TET3: variants seen among roughly 807,000 people sequenced by gnomAD.
TET3 encodes tet methylcytosine dioxygenase 3.
A neutral mutation model predicts 141.4 loss-of-function variants in TET3; 19 were observed. That is an observed-to-expected ratio of 0.13 (90% CI 0.09 to 0.20). TET3 has a LOEUF of 0.20. Ranked by LOEUF, TET3 falls within the 10% of genes least tolerant of loss-of-function variation. The probability of loss-of-function intolerance (pLI) is 1.00; values close to 1 mark genes in which losing one functional copy is unlikely to be tolerated. For missense variants in TET3, 1,874 were observed against 2,356.9 expected (o/e 0.80, Z 4.24); for synonymous variants, 1,043 against 980.9 (o/e 1.06, Z -1.18).
rs533911031 is a variant in TET3 at position 74,061,494 on chromosome 2, G to C, written c.2495-12055G>C. Among the ~76,000 whole-genome samples the C allele has an allele frequency of 2.0e-5, 3 of 148,240 alleles. No individual in the cohort carries two copies. The East Asian group carries it at 6.3e-4, about 31-fold the overall frequency. On this transcript the variant is annotated intron_variant, in intron 4 of 11. Transcript: ENST00000409262. The stretch of plus-strand genomic sequence containing the variant: ...TGACCCCCCCACCTCCTTCCCGGAC[G>C]GGGCGGCTGGCTGGGCAGAGGGGCT...
At chr2:74,094,571 G>A (rs1036884196) in intron 10 of TET3, among the ~76,000 whole-genome samples, 9 of 152,190 alleles carry the variant, frequency 5.9e-5, no homozygotes, top group Non-Finnish European at 1.5e-5. Context: ...TGGGGGCAGA[G>A]TGAGGTGAAC....
downstream of TET3, among the ~76,000 whole-genome samples, chr2:74,108,688 G>A (rs375844278): frequency 5.3e-5 from 8 of 152,304 alleles, no homozygotes; most frequent in African/African-American, 1.9e-4. Context: ...TGCCAATTCT[G>A]GAGGTGGCTG....
At position 74,076,449 on chromosome 2, in the gene TET3, T is replaced by G. The variant is rs980704332; in HGVS notation, c.2585+2810T>G. Among the ~76,000 whole-genome samples the G allele has an allele frequency of 1.5e-3, 207 of 141,010 alleles. 1 individual carries two copies. The highest frequency in any genetic ancestry group is 2.7e-3 in the Non-Finnish European group (180 of 65,990). 92.5% of individuals were successfully genotyped at this position (141,010 alleles called of 152,430 possible). On this transcript the variant is annotated intron_variant, in intron 5 of 11. Transcript: ENST00000409262. ...CAGGTTCATTCCTCTGGGTTTTTTT[T>G]TTTTTTTTTTTTTTTTTTTTTGTCT...
the TET3 span, among the ~76,000 whole-genome samples, chr2:74,129,752 A>G: frequency 6.6e-6 from 1 of 152,086 alleles, no homozygotes; most frequent in African/African-American, 2.4e-5. Context: ...TTCCAGAGAG[A>G]GGCAGGAGTC....
the TET3 span, among the ~76,000 whole-genome samples, chr2:74,128,691 A>G: frequency 2.7e-5 from 4 of 150,762 alleles, no homozygotes; most frequent in Non-Finnish European, 5.9e-5. Flanking sequence ...AATAATAAAG[A>G]CTATTAGAAA....
In TET3 at chr2:74,101,310, C is replaced by A; in HGVS notation, c.4522C>A (p.Leu1508Met). 6.2e-7 allele frequency: 1 copy of A among 1,613,412 alleles called. No individual in the cohort carries two copies. The highest frequency in any genetic ancestry group is 8.5e-7 in the Non-Finnish European group (1 of 1,179,696). Residue 1508 changes from leucine to methionine, a missense_variant, in exon 12 of 12, where the codon CTG becomes ATG. By Grantham distance (15) the Leu-to-Met change is conservative. This residue lies in a region of TET3 where 602 missense variants were observed against 590.2 expected (regional missense o/e 1.02). Coordinates refer to ENST00000409262, the MANE Select transcript of TET3 (RefSeq NM_001287491.2). The surrounding 1 kb of genome is among the most constrained non-coding windows in gnomAD (Gnocchi z 8.5). ...QQAASHSGGR[L>M]RGKPWSPCKF... is the part of the protein sequence containing the mutation. ...GGCAGCTTCCCACTCTGGAGGACGGCTGCGAGGCAAACCGTGGAGCCCCTG... is the reference window on the plus strand; with the variant it reads ...GGCAGCTTCCCACTCTGGAGGACGGATGCGAGGCAAACCGTGGAGCCCCTG...
At chr2:74,131,630 C>A in the TET3 span, among the ~76,000 whole-genome samples, 19 of 152,330 alleles carry the variant, frequency 1.2e-4, no homozygotes, top group African/African-American at 4.6e-4. Context: ...GTTTCCCCTA[C>A]ACTGACTTGC....
chr2:74,124,811 T>C, the TET3 span, among the ~76,000 whole-genome samples: 6 of 151,940 alleles, frequency 3.9e-5, no homozygotes, highest in Admixed American at 2.6e-4. Context: ...GTCCTCTGTC[T>C]AGGAAAACCA....
In TET3 at chr2:74,103,030, T is replaced by C. The variant is rs1691318572; in HGVS notation, c.*854T>C. The C allele has an allele frequency of 6.6e-6, 1 of 152,210 alleles. No individual in the cohort carries two copies. The allele number at this position is 152,210 out of a possible 1,614,324, so 9.4% of individuals were successfully genotyped here. The stretch of plus-strand genomic sequence containing the variant: ...GTCCGTTATTTATGGAGTCACACGA[T>C]GTCATGGTTCACTAGGCAGCACCTC... On this transcript the variant is annotated 3_prime_UTR_variant, in exon 12 of 12. Coordinates refer to ENST00000409262, the MANE Select transcript of TET3 (RefSeq NM_001287491.2).
At position 74,093,800 on chromosome 2, in the gene TET3, C is replaced by A; in HGVS notation, c.3267+134C>A. ...GATCCTCAGAACTCTGGAAGGTTCC[C>A]TGCAAGACGGCCTGCCTTCGCCCAC... On this transcript the variant is annotated intron_variant, in intron 10 of 11. Transcript: ENST00000409262. The surrounding 1 kb of genome is among the most constrained non-coding windows in gnomAD (Gnocchi z 4.2). The A allele has an allele frequency of 1.7e-6, 2 of 1,201,404 alleles. No homozygotes were observed. Among genetic ancestry groups the A allele is most frequent in the Non-Finnish European group, 2.2e-6 (2 of 915,620 alleles). 74.4% of individuals were successfully genotyped at this position (1,201,404 alleles called of 1,614,324 possible).
chr2:74,049,019 A>C lies in TET3; in HGVS notation c.2494+608A>C, dbSNP rs150374029. 3.7e-4 allele frequency among the ~76,000 whole-genome samples: 56 copies of C among 152,314 alleles called. 2 individuals carry two copies. The East Asian group carries it at 8.9e-3, about 24-fold the overall frequency. On this transcript the variant is annotated intron_variant, in intron 4 of 11. Coordinates refer to ENST00000409262, the MANE Select transcript of TET3 (RefSeq NM_001287491.2). ...TGTGCTTTTGAAAGACTTCTGGCTT[A>C]TGGTGGGGAGGGAAGCTTGAGGGCA...
intron 3 of TET3, among the ~76,000 whole-genome samples, chr2:74,018,314 A>G (rs1480108562): frequency 6.6e-6 from 1 of 152,068 alleles, no homozygotes; most frequent in East Asian, 1.9e-4. Context: ...TTTCATCGTT[A>G]TGAGGGTTTT....
At chr2:74,033,893 C>T (rs371348081) in intron 3 of TET3, among the ~76,000 whole-genome samples, 4 of 151,936 alleles carry the variant, frequency 2.6e-5, no homozygotes, top group Non-Finnish European at 5.9e-5. Context: ...GTCAGGAATT[C>T]GAGACCAGCC....
At chr2:74,128,134 A>G in the TET3 span, among the ~76,000 whole-genome samples, 11 of 152,086 alleles carry the variant, frequency 7.2e-5, no homozygotes, top group Non-Finnish European at 1.5e-4. Flanking sequence ...CCTTAAACCC[A>G]TCCTTTTTGT....
At chr2:74,044,753 A>G (rs1318927403) in intron 3 of TET3, among the ~76,000 whole-genome samples, 1 of 152,244 alleles carries the variant, frequency 6.6e-6, no homozygotes, top group Non-Finnish European at 1.5e-5. Flanking sequence ...AAGTGGAACC[A>G]TCGTAAGTTG....
At chr2:74,011,503 A>G (rs187547114) in intron 3 of TET3, among the ~76,000 whole-genome samples, 34 of 152,228 alleles carry the variant, frequency 2.2e-4, no homozygotes, top group African/African-American at 7.0e-4. Context: ...TACTTTTCAC[A>G]CCTATGTGGG....
rs80027722 is a variant in TET3, at chr2:74,034,576, A to T, written c.361-11702A>T. The stretch of plus-strand genomic sequence containing the variant: ...CATATGTAGTCCTCGAGCATTGATT[A>T]AAAAAAAAAAAAAAAAAACCCTGTT... On this transcript the variant is annotated intron_variant, in intron 3 of 11. Coordinates refer to ENST00000409262, the MANE Select transcript of TET3 (RefSeq NM_001287491.2). Among the ~76,000 whole-genome samples the T allele has an allele frequency of 4.5e-4, 33 of 72,794 alleles. 1 individual carries two copies. In the South Asian group the frequency reaches 0.013, roughly 30 times the overall value. The allele number at this position is 72,794 out of a possible 152,430, so 47.8% of individuals were successfully genotyped here.
intron 6 of TET3, among the ~76,000 whole-genome samples, chr2:74,084,129 G>A (rs903618317): frequency 4.6e-5 from 7 of 152,168 alleles, no homozygotes; most frequent in South Asian, 2.1e-4. Flanking sequence ...GGGAAGCACC[G>A]TTCTTGCCGT....
chr2:74,114,568 C>T, the TET3 span, among the ~76,000 whole-genome samples: 6 of 151,956 alleles, frequency 3.9e-5, no homozygotes, highest in South Asian at 6.3e-4. Context: ...GTTAAAAAAG[C>T]AGGCTGGGCA....
Sources: gnomAD v4.1 joint callset for allele counts (sites outside exome capture counted in the v4.1 genomes callset) on GRCh38, gnomAD v4.1.1 for gene constraint, gnomAD v4.1.1 regional missense constraint, Gnocchi (gnomAD v3.1) non-coding constraint, MANE v1.5 for transcripts, NCBI Gene and HGNC (gene_info 2026-07-23, HGNC 2026-07-21) for gene names.